TLE1: variants seen among roughly 807,000 people sequenced by gnomAD.
TLE1 encodes TLE family member 1, transcriptional corepressor, also known as transducin-like enhancer protein 1.
TLE1 carries 21 observed loss-of-function variants against 89.8 expected under a neutral mutation model. The observed-to-expected ratio is 0.23, with a 90% CI of 0.17 to 0.34. The LOEUF (loss-of-function observed/expected upper bound fraction) is 0.34, where lower values mean the gene tolerates loss of function less well. Among genes scored for constraint, TLE1 ranks in the 10% least tolerant of loss-of-function variants. The probability of loss-of-function intolerance (pLI) is 1.00; values close to 1 mark genes in which losing one functional copy is unlikely to be tolerated. For synonymous variants in TLE1, 447 were observed against 407.6 expected, an observed-to-expected ratio of 1.10 and a Z score of -1.16; for missense variants, 795 against 1,031.2, an observed-to-expected ratio of 0.77 and a Z score of 3.14.
chr9:81,678,015 T>C (rs1197452371), intron 4 of TLE1, among the ~76,000 whole-genome samples: 1 of 152,220 alleles, frequency 6.6e-6, no homozygotes. Context: ...CAAAGTGACT[T>C]GTATCCTACT....
intron 1 of TLE1, among the ~76,000 whole-genome samples, chr9:81,687,698 G>A (rs1042484070): frequency 5.3e-5 from 8 of 152,070 alleles, no homozygotes; most frequent in Admixed American, 2.0e-4. Context: ...CAGGCCAAAG[G>A]GAAGGGGGCT....
At position 81,688,223 on chromosome 9, in the gene TLE1, C is replaced by G. The variant is rs549337696; in HGVS notation, c.18G>C (p.Arg6=). MFPQS[R]HPTPHQAAGQ... ...CCACCCAGCCGCGCCTCACCGGGTG[C>G]CGGCTCTGCGGGAACATCGCTCTGG... is the stretch of plus-strand genomic sequence containing the variant. The change falls in exon 1 of 20, where the codon CGG becomes CGC. Residue 6 remains arginine, a synonymous_variant. Transcript: ENST00000376499. 1.3e-6 allele frequency: 2 copies of G among 1,596,606 alleles called. No individual in the cohort carries two copies. The highest frequency in any genetic ancestry group is 2.2e-5 in the South Asian group (2 of 90,150).
At chr9:81,613,105 T>C (rs1005565707) in intron 12 of TLE1, among the ~76,000 whole-genome samples, 1 of 152,124 alleles carries the variant, frequency 6.6e-6, no homozygotes, top group African/African-American at 2.4e-5. Context: ...GATCACGCCA[T>C]TGCATTCCAG....
In TLE1 at chr9:81,654,015, T is replaced by G. The variant is rs1829865113; in HGVS notation, c.256A>C (p.Asn86His). The stretch of plus-strand genomic sequence containing the variant: ...GGGATGACTTGTGCACAAATCGTAT[T>G]CAATCTCTTGGCGATTTCAGTCTAT... ...HKQTEIAKRL[N>H]TICAQVIPFL... Residue 86 changes from asparagine (N) to histidine (H), a missense_variant, in exon 5 of 20, where the codon AAT becomes CAT. Physicochemically the swap from Asn to His is moderately conservative, Grantham distance 68. Transcript: ENST00000376499. 6.2e-7 allele frequency: 1 copy of G among 1,614,028 alleles called. No individual in the cohort carries two copies. The highest frequency in any genetic ancestry group is 8.5e-7 in the Non-Finnish European group (1 of 1,179,988).
intron 6 of TLE1, among the ~76,000 whole-genome samples, chr9:81,646,978 C>G (rs1394553934): frequency 6.6e-6 from 1 of 152,058 alleles, no homozygotes; most frequent in African/African-American, 2.4e-5. Context: ...ATAAGTCAGA[C>G]TACATCCAAA....
At position 81,688,201 on chromosome 9, in the gene TLE1, C is replaced by T. The variant is rs1834622184; in HGVS notation, c.24+16G>A. 1 of 1,598,676 alleles carries T rather than the reference C, an allele frequency of 6.3e-7. No homozygotes were observed. The highest frequency in any genetic ancestry group is 2.4e-5 in the East Asian group (1 of 42,244). On this transcript the variant is annotated intron_variant, in intron 1 of 19. Coordinates refer to ENST00000376499, the MANE Select transcript of TLE1 (RefSeq NM_005077.5). ...CAACGATCCTGGCCCCCCACCACCA[C>T]CCAGCCGCGCCTCACCGGGTGCCGG... is the stretch of plus-strand genomic sequence containing the variant.
At chr9:81,605,979 T>G (rs1254022923) in intron 14 of TLE1, among the ~76,000 whole-genome samples, 2 of 152,158 alleles carry the variant, frequency 1.3e-5, no homozygotes, top group Non-Finnish European at 2.9e-5. Context: ...CAGACACTTC[T>G]CAAAAGAAGA....
intron 9 of TLE1, among the ~76,000 whole-genome samples, chr9:81,618,603 C>T (rs1824851861): frequency 6.6e-6 from 1 of 152,050 alleles, no homozygotes; most frequent in South Asian, 2.1e-4. Context: ...CAATAAAGAA[C>T]AAAACTAATA....
At chr9:81,651,217 T>C (rs1829486512) in intron 6 of TLE1, among the ~76,000 whole-genome samples, 1 of 152,206 alleles carries the variant, frequency 6.6e-6, no homozygotes, top group South Asian at 2.1e-4. Context: ...AAATGAGTGA[T>C]TTGAATCTGC....
chr9:81,599,754 CAG>C (rs1830674442), intron 14 of TLE1: 1 of 224,290 alleles, frequency 4.5e-6, no homozygotes, highest in Non-Finnish European at 8.6e-6. Context: ...ATATGCAGAA[CAG>C]GGTATAATTC....
intron 4 of TLE1, among the ~76,000 whole-genome samples, chr9:81,679,700 C>T (rs1819862631): frequency 6.6e-6 from 1 of 151,636 alleles, no homozygotes; most frequent in South Asian, 2.1e-4. Context: ...TACTAAATAC[C>T]CTGTAGTAAA....
intron 12 of TLE1, 124 bp from the exon 13 acceptor site, chr9:81,612,083 G>T (rs1823790480): frequency 1.3e-6 from 1 of 779,512 alleles, no homozygotes; most frequent in African/African-American, 1.8e-5. Flanking sequence ...AGGCTTCTAG[G>T]GGAGGGGGAA....
At chr9:81,663,649 G>T (rs542941657) in intron 4 of TLE1, among the ~76,000 whole-genome samples, 1 of 146,828 alleles carries the variant, frequency 6.8e-6, no homozygotes, top group Non-Finnish European at 1.5e-5. Context: ...TTGAGATGGA[G>T]TCTCGCTCTG....
rs2132365593 is a variant in TLE1, at chr9:81,634,209, G to A, written c.465C>T (p.Ile155=). Residue 155 remains isoleucine (I), a synonymous_variant, in exon 7 of 20, where the codon ATC becomes ATT. Transcript: ENST00000376499. ...GGCCGGCACTGCCCCCGAGGGGCGG[G>A]ATTCCAGGAGGCTGAAGTCCCGAAG... is the stretch of plus-strand genomic sequence containing the variant. ...PHPSGLQPPG[I]PPLGGSAGLL... 1.3e-6 allele frequency: 2 copies of A among 1,590,536 alleles called. No homozygotes were observed. The highest frequency in any genetic ancestry group is 1.1e-5 in the South Asian group (1 of 87,670).
At chr9:81,584,387 C>G (rs1452989959) in intron 19 of TLE1, 61 bp downstream of exon 19, 9 of 1,610,658 alleles carry the variant, frequency 5.6e-6, no homozygotes, top group Non-Finnish European at 7.6e-6. Context: ...CACCTTCACT[C>G]CTGGCTTCAG....
Position 81,689,308 on chromosome 9 carries a change from C to G in TLE1, c.-1068G>C, listed in dbSNP as rs1834741044. The G allele has an allele frequency of 6.6e-6, 1 of 152,320 alleles. No individual in the cohort carries two copies. The highest frequency in any genetic ancestry group is 1.5e-5 in the Non-Finnish European group (1 of 68,148). The allele number at this position is 152,320 out of a possible 1,614,324, so 9.4% of individuals were successfully genotyped here. A position where few individuals can be genotyped will look rare whatever the true frequency, so the allele number is the denominator to read the frequency against. ...GGCCACCCTCCCCGGCGGGCAAACT[C>G]TGCGGGCGAGTCCAGAGTAGTCACA... On this transcript the variant is annotated 5_prime_UTR_variant, in exon 1 of 20. Coordinates refer to ENST00000376499, the MANE Select transcript of TLE1 (RefSeq NM_005077.5).
chr9:81,627,312 C>T (rs1219428173), intron 8 of TLE1, among the ~76,000 whole-genome samples: 1 of 137,076 alleles, frequency 7.3e-6, no homozygotes, highest in Non-Finnish European at 1.6e-5. Flanking sequence ...AAAAATTGTT[C>T]TCTCACTTTT....
In TLE1 at chr9:81,667,512, GAATGAC is replaced by G. The variant is rs1307898708; in HGVS notation, c.235-13482_235-13477del. 2.0e-5 allele frequency among the ~76,000 whole-genome samples: 3 copies of G among 152,018 alleles called. No homozygotes were observed. The East Asian group carries it at 5.8e-4, about 29-fold the overall frequency. On this transcript the variant is annotated intron_variant, in intron 4 of 19. Transcript: ENST00000376499. ...TCTGCACATGGGCCATGCTACAGCT[GAATGAC>G]CCACATACATGAGTAACAGCTGCCA...
At chr9:81,599,811 T>C (rs1285523264) in intron 14 of TLE1, 5 of 340,740 alleles carry the variant, frequency 1.5e-5, no homozygotes, top group Non-Finnish European at 2.7e-5. Context: ...CGGAGGGCTT[T>C]ATTAACAACT....
Sources: allele counts gnomAD v4.1 joint callset (sites outside exome capture counted in the v4.1 genomes callset), GRCh38; gene constraint gnomAD v4.1.1; transcripts MANE v1.5; gene names NCBI Gene and HGNC (gene_info 2026-07-23, HGNC 2026-07-21).